Variants in TFDP2 observed in about 807,000 individuals in gnomAD.
The protein encoded by TFDP2 is transcription factor Dp-2.
A neutral mutation model predicts 59.3 loss-of-function variants in TFDP2; 17 were observed. The observed-to-expected ratio is 0.29, with a 90% CI of 0.20 to 0.43. The LOEUF is 0.43. TFDP2 is among the 20% of genes least tolerant of loss of function. The pLI, the probability that TFDP2 is intolerant of heterozygous loss-of-function variation, is 1.00. For missense variants in TFDP2, 391 were observed against 528.8 expected (o/e 0.74, Z 2.56); for synonymous variants, 180 against 194.7 (o/e 0.92, Z 0.63).
At chr3:142,042,467 CT>C (rs1424870380) in intron 3 of TFDP2, among the ~76,000 whole-genome samples, 1 of 150,818 alleles carries the variant, frequency 6.6e-6, no homozygotes, top group African/African-American at 2.4e-5. Context: ...AATTTTTGTA[CT>C]TTTGTACTTT....
intron 3 of TFDP2, among the ~76,000 whole-genome samples, chr3:142,085,215 G>A (rs112812619): frequency 2.0e-4 from 30 of 152,062 alleles, no homozygotes; most frequent in Non-Finnish European, 4.0e-4. Flanking sequence ...GCACCCAGCC[G>A]GTCAATAATT....
chr3:141,980,412 T>C (rs772137051), intron 6 of TFDP2, among the ~76,000 whole-genome samples: 1 of 152,172 alleles, frequency 6.6e-6, no homozygotes, highest in African/African-American at 2.4e-5. Flanking sequence ...AACATTCCAA[T>C]TCCATTCCTC....
intron 1 of TFDP2, among the ~76,000 whole-genome samples, chr3:142,118,062 C>T (rs1472990459): frequency 2.0e-5 from 3 of 152,116 alleles, no homozygotes; most frequent in Non-Finnish European, 4.4e-5. Flanking sequence ...CGCACCACTG[C>T]ACTCCAGCCT....
intron 7 of TFDP2, among the ~76,000 whole-genome samples, chr3:141,978,124 C>T (rs1325255894): frequency 6.6e-6 from 1 of 151,734 alleles, no homozygotes; most frequent in Admixed American, 6.6e-5. Context: ...GCAGGTGGAT[C>T]ACCTGAGGTC....
Position 141,952,671 on chromosome 3 carries a change from C to T in TFDP2, c.1183G>A (p.Ala395Thr), listed in dbSNP as rs769494019. 3.1e-6 allele frequency: 5 copies of T among 1,609,714 alleles called. No individual in the cohort carries two copies. Among genetic ancestry groups the T allele is most frequent in the South Asian group, 2.2e-5 (2 of 90,136 alleles). ...SSVNQGLCLDAEVALATGQFL... is the reference protein window; with the variant it reads ...SSVNQGLCLDTEVALATGQFL... ...TGCCCAGTTGCTAAGGCCACTTCTG[C>T]ATCCAAGCATAACCCTTGGTTTACA... Residue 395 changes from alanine (A) to threonine (T), a missense_variant, in exon 13 of 13, where the codon GCA (alanine) becomes ACA (threonine). This residue lies in a region of TFDP2 where 223 missense variants were observed against 292.5 expected (regional missense o/e 0.76). Transcript: ENST00000489671.
rs1470163855 is a variant in TFDP2 at position 141,974,147 on chromosome 3, T to G, written c.564A>C (p.Leu188Phe). 6.2e-7 allele frequency: 1 copy of G among 1,612,530 alleles called. No individual in the cohort carries two copies. Among genetic ancestry groups the G allele is most frequent in the South Asian group, 1.1e-5 (1 of 90,674 alleles). Residue 188 changes from leucine (L) to phenylalanine (F), a missense_variant, in exon 8 of 13, where the codon TTA becomes TTC. Leu to Phe is a conservative substitution (Grantham distance 22). Around this residue, in one of 3 missense-constraint regions of TFDP2, gnomAD observed 6 missense variants for 29.4 expected, o/e 0.20. Coordinates refer to ENST00000489671, the MANE Select transcript of TFDP2 (RefSeq NM_001178139.2). ...KNIRRRVYDA[L>F]NVLMAMNIIS... ...TTATGTTCATTGCCATTAGCACATTTAAAGCATCATAAACTCTTCGCCTAA... is the reference window on the plus strand; with the variant it reads ...TTATGTTCATTGCCATTAGCACATTGAAAGCATCATAAACTCTTCGCCTAA...
chr3:141,972,300 C>A (rs1939889115), intron 8 of TFDP2, among the ~76,000 whole-genome samples: 1 of 152,190 alleles, frequency 6.6e-6, no homozygotes, highest in African/African-American at 2.4e-5. Context: ...ATGGCCGCTG[C>A]CGTAACTCAG....
chr3:141,990,646 C>T (rs1313116886), intron 6 of TFDP2, among the ~76,000 whole-genome samples: 1 of 152,062 alleles, frequency 6.6e-6, no homozygotes, highest in African/African-American at 2.4e-5. Flanking sequence ...TGTTTACATC[C>T]TGTGGCCAAA....
At chr3:142,115,901 T>C (rs1254598431) in intron 1 of TFDP2, among the ~76,000 whole-genome samples, 1 of 152,244 alleles carries the variant, frequency 6.6e-6, no homozygotes, top group Non-Finnish European at 1.5e-5. Context: ...AATGGGCACA[T>C]GCAAAAACTA....
Position 142,032,794 on chromosome 3 carries a change from T to C in TFDP2, c.83-27250A>G, listed in dbSNP as rs145829144. ...TTTCTAACATATATCATTCTCCCAG[T>C]TTAAAAACAAAACAAAATGAGAAAT... On this transcript the variant is annotated intron_variant, in intron 3 of 12. Coordinates refer to ENST00000489671, the MANE Select transcript of TFDP2 (RefSeq NM_001178139.2). 8.5e-5 allele frequency among the ~76,000 whole-genome samples: 13 copies of C among 152,264 alleles called. No homozygotes were observed. In the East Asian group the frequency reaches 2.3e-3, roughly 27 times the overall value.
At chr3:141,966,648 C>G (rs1938115563) in intron 9 of TFDP2, among the ~76,000 whole-genome samples, 1 of 151,602 alleles carries the variant, frequency 6.6e-6, no homozygotes, top group East Asian at 1.9e-4. Flanking sequence ...AGAGGCTGAA[C>G]AGCTTTAAGT....
intron 6 of TFDP2, among the ~76,000 whole-genome samples, chr3:141,985,987 T>G (rs1942058286): frequency 6.6e-6 from 1 of 152,224 alleles, no homozygotes; most frequent in South Asian, 2.1e-4. Context: ...ACTGGAATAC[T>G]CATACATTGT....
chr3:141,984,464 A>G (rs1941851203), intron 6 of TFDP2, among the ~76,000 whole-genome samples: 1 of 152,136 alleles, frequency 6.6e-6, no homozygotes, highest in Admixed American at 6.6e-5. Flanking sequence ...GCCACCGTAC[A>G]CGCCTGGCGA....
chr3:142,000,318 A>G (rs1237512196), intron 4 of TFDP2: 1 of 702,714 alleles, frequency 1.4e-6, no homozygotes, highest in Admixed American at 2.0e-5. Flanking sequence ...GTGAGGGTTT[A>G]TTCTCTGCTT....
intron 3 of TFDP2, among the ~76,000 whole-genome samples, chr3:142,024,542 C>T (rs947738760): frequency 3.9e-5 from 6 of 152,066 alleles, no homozygotes; most frequent in Non-Finnish European, 7.3e-5. Flanking sequence ...TTTCTAGTTG[C>T]ATATGTATAT....
chr3:141,961,480 T>C (rs1330482019), intron 10 of TFDP2, among the ~76,000 whole-genome samples: 2 of 151,856 alleles, frequency 1.3e-5, no homozygotes, highest in African/African-American at 2.4e-5. Flanking sequence ...CCTGACCTTA[T>C]GATCCACCCA....
chr3:142,017,938 T>TTTTATTTATTTATTTATTTATTTATTTA (rs374321449), intron 3 of TFDP2, among the ~76,000 whole-genome samples: 2,163 of 151,362 alleles, frequency 0.014, 27 homozygotes, highest in Non-Finnish European at 0.022. Context: ...TGCCTCAATA[T>TTTTATTTATTTATTTATTTATTTATTTA]TTTATTTATT....
intron 3 of TFDP2, among the ~76,000 whole-genome samples, chr3:142,087,906 C>T (rs1026995413): frequency 5.9e-5 from 9 of 152,208 alleles, no homozygotes; most frequent in African/African-American, 2.2e-4. Flanking sequence ...TAGTCACCTC[C>T]TCTGCTACAT....
At chr3:141,955,721 C>T (rs1192225049) in intron 11 of TFDP2, among the ~76,000 whole-genome samples, 3 of 152,102 alleles carry the variant, frequency 2.0e-5, no homozygotes, top group African/African-American at 4.8e-5. Context: ...TATTAAAATG[C>T]CTTTAAAAAG....
Sources: allele counts gnomAD v4.1 joint callset (sites outside exome capture counted in the v4.1 genomes callset), GRCh38; gene constraint gnomAD v4.1.1; regional missense constraint gnomAD v4.1.1; transcripts MANE v1.5; gene names NCBI Gene and HGNC (gene_info 2026-07-23, HGNC 2026-07-21).